Variants in JAKMIP1 observed in about 807,000 individuals in gnomAD.
JAKMIP1 encodes the protein janus kinase and microtubule-interacting protein 1.
Under a neutral mutation model 113.0 loss-of-function variants are expected in JAKMIP1, and 33 were observed. That is an observed-to-expected ratio of 0.29 (90% CI 0.22 to 0.39). The LOEUF is 0.39. Among genes scored for constraint, JAKMIP1 ranks in the 10% least tolerant of loss-of-function variants. The pLI is 1.00. For synonymous variants in JAKMIP1, 480 were observed against 459.9 expected (o/e 1.04, Z -0.56); for missense variants, 813 against 1,080.5 (o/e 0.75, Z 3.47).
rs1715460816 is a variant in JAKMIP1 at position 6,050,052 on chromosome 4, T to C, written c.1909-180A>G. On this transcript the variant is annotated intron_variant, in intron 14 of 20. Transcript: ENST00000409021. This position sits in a 1 kb window ranked among gnomAD's most constrained non-coding sequence, Gnocchi z 7.4. ...GGAGAGAAGGCATAACTGCTGCTCA[T>C]TTGCTGAGTGTTACACCAGCACAAA... Among the ~76,000 whole-genome samples the C allele has an allele frequency of 6.6e-6, 1 of 152,184 alleles. No individual in the cohort carries two copies. Among genetic ancestry groups the C allele is most frequent in the Non-Finnish European group, 1.5e-5 (1 of 68,040 alleles).
At chr4:6,073,881 A>G (rs1719317746) in intron 8 of JAKMIP1, among the ~76,000 whole-genome samples, 1 of 152,210 alleles carries the variant, frequency 6.6e-6, no homozygotes. Context: ...GCCATTATGC[A>G]TATGCTTAGA....
chr4:6,098,888 T>C (rs1471342537), intron 3 of JAKMIP1, among the ~76,000 whole-genome samples: 1 of 152,228 alleles, frequency 6.6e-6, no homozygotes, highest in African/African-American at 2.4e-5. Flanking sequence ...TAGATTAGTT[T>C]TTACGCTTCT....
rs1444334195 is a variant in JAKMIP1 at position 6,069,042 on chromosome 4, A to G, written c.1303-4034T>C. Among the ~76,000 whole-genome samples the G allele has an allele frequency of 6.6e-6, 1 of 152,194 alleles. No individual in the cohort carries two copies. The highest frequency in any genetic ancestry group is 2.4e-5 in the African/African-American group (1 of 41,440). Reference sequence around the variant, plus strand: ...TTGTGTCTTTATTAATAAAAAATAGAAACAATATATTAATGTTTAAAGTAA... The same window carrying G: ...TTGTGTCTTTATTAATAAAAAATAGGAACAATATATTAATGTTTAAAGTAA... On this transcript the variant is annotated intron_variant, in intron 8 of 20. Transcript: ENST00000409021. This position sits in a 1 kb window ranked among gnomAD's most constrained non-coding sequence, Gnocchi z 4.5.
intron 4 of JAKMIP1, 80 bp downstream of exon 4, chr4:6,085,340 T>C (rs76602056): frequency 0.01 from 12,459 of 1,216,388 alleles, 366 homozygotes; most frequent in African/African-American, 0.089. Context: ...CACCTCAGAG[T>C]CCTCTGTGGC....
Position 6,112,881 on chromosome 4 carries a change from T to G in JAKMIP1, c.-31A>C. The G allele has an allele frequency of 6.2e-7, 1 of 1,610,158 alleles. No individual in the cohort carries two copies. Among genetic ancestry groups the G allele is most frequent in the Non-Finnish European group, 8.5e-7 (1 of 1,178,342 alleles). ...CCCTTGGGTCAGAGTGCTGAGATCC[T>G]GCGGTCCACACCTGTTCACGCACGC... On this transcript the variant is annotated 5_prime_UTR_variant, in exon 2 of 21. Transcript: ENST00000409021.
Position 6,067,303 on chromosome 4 carries a change from T to C in JAKMIP1, c.1303-2295A>G, listed in dbSNP as rs1315266270. On this transcript the variant is annotated intron_variant, in intron 8 of 20. Transcript: ENST00000409021. This position sits in a 1 kb window ranked among gnomAD's most constrained non-coding sequence, Gnocchi z 4.6. ...GATTTTGTTTTGCACATGACACCATTTCCATTCATTCACACAGCTGGCATC... is the reference window on the plus strand; with the variant it reads ...GATTTTGTTTTGCACATGACACCATCTCCATTCATTCACACAGCTGGCATC... Among the ~76,000 whole-genome samples the C allele has an allele frequency of 3.3e-5, 5 of 152,328 alleles. No homozygotes were observed. Among genetic ancestry groups the C allele is most frequent in the African/African-American group, 1.2e-4 (5 of 41,570 alleles).
At chr4:6,098,990 A>AT (rs1712556413) in intron 3 of JAKMIP1, among the ~76,000 whole-genome samples, 1 of 151,986 alleles carries the variant, frequency 6.6e-6, no homozygotes, top group Admixed American at 6.5e-5. Flanking sequence ...AAATTCATTC[A>AT]TTTTCTTGCC....
chr4:6,041,334 G>A (rs1379969332), intron 17 of JAKMIP1, among the ~76,000 whole-genome samples: 1 of 152,188 alleles, frequency 6.6e-6, no homozygotes, highest in Non-Finnish European at 1.5e-5. Flanking sequence ...TGCCTTAGAT[G>A]CCACAGTTCA....
intron 11 of JAKMIP1, among the ~76,000 whole-genome samples, chr4:6,057,463 C>T (rs962005717): frequency 7.2e-5 from 11 of 152,282 alleles, no homozygotes; most frequent in African/African-American, 2.6e-4. Flanking sequence ...GAAGCAGAGG[C>T]CCGGCCTAGG....
intron 1 of JAKMIP1, among the ~76,000 whole-genome samples, chr4:6,124,119 G>A (rs1717080704): frequency 6.6e-6 from 1 of 152,186 alleles, no homozygotes; most frequent in Non-Finnish European, 1.5e-5. Context: ...TCCCGCCATG[G>A]CCCTGGCCCG....
intron 8 of JAKMIP1, among the ~76,000 whole-genome samples, chr4:6,066,543 G>T (rs1578138359): frequency 1.3e-5 from 2 of 152,138 alleles, no homozygotes; most frequent in African/African-American, 2.4e-5. Context: ...ATCCTAGCGG[G>T]CAGTGACTTA....
At position 6,061,674 on chromosome 4, in the gene JAKMIP1, G is replaced by A. The variant is rs1203861889; in HGVS notation, c.1560+638C>T. 6.9e-6 allele frequency among the ~76,000 whole-genome samples: 1 copy of A among 145,892 alleles called. No homozygotes were observed. The highest frequency in any genetic ancestry group is 1.5e-5 in the Non-Finnish European group (1 of 65,706). The stretch of plus-strand genomic sequence containing the variant: ...GGGTTAATTCCTCCTGCTTCAGGGG[G>A]CCAGTGTGGGGGTGAGATGGGGGAG... On this transcript the variant is annotated intron_variant, in intron 10 of 20. Coordinates refer to ENST00000409021, the MANE Select transcript of JAKMIP1 (RefSeq NM_001099433.2). This position sits in a 1 kb window ranked among gnomAD's most constrained non-coding sequence, Gnocchi z 5.3.
chr4:6,153,376 GC>G lies in JAKMIP1; in HGVS notation c.-147-40380del, dbSNP rs1219136060. ...AGCATCAGGAGCCCTGGGATTTGAA[GC>G]CCCTTCTTCTCTCCACAGCCTTGTG... On this transcript the variant is annotated intron_variant, in intron 1 of 20. Transcript: ENST00000409021. This position sits in a 1 kb window ranked among gnomAD's most constrained non-coding sequence, Gnocchi z 4.9. Among the ~76,000 whole-genome samples the G allele has an allele frequency of 6.6e-6, 1 of 152,212 alleles. No individual in the cohort carries two copies. The highest frequency in any genetic ancestry group is 1.5e-5 in the Non-Finnish European group (1 of 68,034).
chr4:6,073,101 C>T (rs1014596483), intron 8 of JAKMIP1, among the ~76,000 whole-genome samples: 11 of 147,784 alleles, frequency 7.4e-5, no homozygotes, highest in Non-Finnish European at 1.3e-4. Flanking sequence ...AAAAAAAGTG[C>T]TTGAGCTTCC....
rs1451013592 is a variant in JAKMIP1 at position 6,180,757 on chromosome 4, T to C, written c.-148+19496A>G. Among the ~76,000 whole-genome samples, 1 of 152,178 alleles carries C rather than the reference T, an allele frequency of 6.6e-6. No homozygotes were observed. Among genetic ancestry groups the C allele is most frequent in the Non-Finnish European group, 1.5e-5 (1 of 68,038 alleles). The stretch of plus-strand genomic sequence containing the variant: ...GGTTGTAGCAAGTGGATGTTGCAGC[T>C]AATTCAGTGACATTTAATTTTCTGT... On this transcript the variant is annotated intron_variant, in intron 1 of 20. Transcript: ENST00000409021. The surrounding 1 kb of genome is among the most constrained non-coding windows in gnomAD (Gnocchi z 4.5).
intron 5 of JAKMIP1, 117 bp downstream of exon 5, chr4:6,084,729 A>C (rs1463191177): frequency 1.9e-6 from 2 of 1,071,738 alleles, no homozygotes; most frequent in East Asian, 2.7e-5. Flanking sequence ...AGTAAGAAGG[A>C]AAGTTCAGAG....
Position 6,116,741 on chromosome 4 carries a change from G to A in JAKMIP1, c.-147-3744C>T, listed in dbSNP as rs867418964. On this transcript the variant is annotated intron_variant, in intron 1 of 20. Coordinates refer to ENST00000409021, the MANE Select transcript of JAKMIP1 (RefSeq NM_001099433.2). The surrounding 1 kb of genome is among the most constrained non-coding windows in gnomAD (Gnocchi z 5.1). ...CGGGCATGCAGGAGGACCAGACAAG[G>A]TCCCAGCCATCACAGAACGGTCTAG... Among the ~76,000 whole-genome samples, 32 of 152,202 alleles carry A rather than the reference G, an allele frequency of 2.1e-4. No homozygotes were observed. The highest frequency in any genetic ancestry group is 5.9e-4 in the Admixed American group (9 of 15,280).
intron 3 of JAKMIP1, among the ~76,000 whole-genome samples, chr4:6,091,684 T>A (rs2137872): frequency 0.96 from 146,791 of 152,294 alleles, 70,970 homozygotes; most frequent in East Asian, 1. Context: ...CATACGTGAT[T>A]GAGAAAAGGG....
intron 13 of JAKMIP1, among the ~76,000 whole-genome samples, chr4:6,052,221 A>T (rs1052578782): frequency 1.2e-5 from 1 of 83,424 alleles, no homozygotes; most frequent in African/African-American, 2.4e-4. Context: ...AAAATAAAAT[A>T]AAAAAAAAAC....
Sources: gnomAD v4.1 joint callset for allele counts (sites outside exome capture counted in the v4.1 genomes callset) on GRCh38, gnomAD v4.1.1 for gene constraint, Gnocchi (gnomAD v3.1) non-coding constraint, MANE v1.5 for transcripts, NCBI Gene and HGNC (gene_info 2026-07-23, HGNC 2026-07-21) for gene names.